The following SESN1 variants were observed in gnomAD, a reference collection of about 807,000 sequenced individuals.
The protein encoded by SESN1 is sestrin 1.
SESN1 carries 30 observed loss-of-function variants against 59.3 expected under a neutral mutation model. The observed-to-expected ratio is 0.51, with a 90% CI of 0.38 to 0.69. The LOEUF is 0.69. Ranked by LOEUF, SESN1 falls within the 30% of genes least tolerant of loss-of-function variation. The pLI, the probability that SESN1 is intolerant of heterozygous loss-of-function variation, is 0.00. For synonymous variants in SESN1, 197 were observed against 219.9 expected (o/e 0.90, Z 0.92); for missense variants, 566 against 673.0 (o/e 0.84, Z 1.76).
At chr6:109,022,886 A>G (rs1408107568) in intron 1 of SESN1, among the ~76,000 whole-genome samples, 2 of 152,206 alleles carry the variant, frequency 1.3e-5, no homozygotes, top group Non-Finnish European at 2.9e-5. Flanking sequence ...CTACTATACC[A>G]TAATGCTGCC....
At position 108,987,358 on chromosome 6, in the gene SESN1, C is replaced by T. The variant is rs1228420243; in HGVS notation, c.*186G>A. On this transcript the variant is annotated 3_prime_UTR_variant, in exon 10 of 10. Coordinates refer to ENST00000436639, the MANE Select transcript of SESN1 (RefSeq NM_014454.3). The stretch of plus-strand genomic sequence containing the variant: ...TGTCTTCACAGCTCTAAACTTGAAG[C>T]TGCCAAACAGTCACTGCTTGTGCCA... 4.1e-6 allele frequency: 2 copies of T among 486,268 alleles called. No individual in the cohort carries two copies. Among genetic ancestry groups the T allele is most frequent in the Non-Finnish European group, 3.6e-6 (1 of 274,254 alleles). 30.1% of individuals were successfully genotyped at this position (486,268 alleles called of 1,614,324 possible).
intron 5 of SESN1, among the ~76,000 whole-genome samples, chr6:108,995,930 T>C (rs1779494778): frequency 2.0e-5 from 3 of 152,246 alleles, no homozygotes; most frequent in Admixed American, 6.5e-5. Context: ...ATCCTTCAGG[T>C]AGCAGCTTAC....
At chr6:109,077,461 T>C (rs1447376071) in intron 1 of SESN1, among the ~76,000 whole-genome samples, 1 of 152,196 alleles carries the variant, frequency 6.6e-6, no homozygotes, top group African/African-American at 2.4e-5. Flanking sequence ...AAATTGGAGA[T>C]TGCAGGGAAA....
At position 109,094,232 on chromosome 6, in the gene SESN1, A is replaced by G. The variant is rs1027824475; in HGVS notation, c.-159T>C. On this transcript the variant is annotated 5_prime_UTR_variant, in exon 1 of 10. Coordinates refer to ENST00000436639, the MANE Select transcript of SESN1 (RefSeq NM_014454.3). ...GACATTTGGAACCACTGGTGCCTTCAGCCGATCTACAAGCTAGGTCACCCT... is the reference window on the plus strand; with the variant it reads ...GACATTTGGAACCACTGGTGCCTTCGGCCGATCTACAAGCTAGGTCACCCT... 8 of 729,498 alleles carry G rather than the reference A, an allele frequency of 1.1e-5. No individual in the cohort carries two copies. Among genetic ancestry groups the G allele is most frequent in the Non-Finnish European group, 1.8e-5 (8 of 452,096 alleles). The allele number at this position is 729,498 out of a possible 1,614,324, so 45.2% of individuals were successfully genotyped here.
In SESN1 at chr6:109,007,196, T is replaced by C. The variant is rs79556276; in HGVS notation, c.280-4853A>G. Among the ~76,000 whole-genome samples the C allele has an allele frequency of 4.3e-4, 66 of 152,332 alleles. 1 individual carries two copies. In the East Asian group the frequency reaches 0.012, roughly 28 times the overall value. On this transcript the variant is annotated intron_variant, in intron 1 of 9. Coordinates refer to ENST00000436639, the MANE Select transcript of SESN1 (RefSeq NM_014454.3). The stretch of plus-strand genomic sequence containing the variant: ...TAATTTTCAGAGTGAAAATTCGTAG[T>C]GAATGTTGACAGTAGTACCACAGAA...
chr6:109,051,881 G>T (rs1410126669), intron 1 of SESN1, among the ~76,000 whole-genome samples: 3 of 152,136 alleles, frequency 2.0e-5, no homozygotes, highest in African/African-American at 7.2e-5. Context: ...CCTGTGTGAA[G>T]CCTCTTTTAT....
intron 1 of SESN1, among the ~76,000 whole-genome samples, chr6:109,074,460 C>G (rs1264773079): frequency 6.6e-6 from 1 of 152,122 alleles, no homozygotes; most frequent in African/African-American, 2.4e-5. Context: ...GCTCTCATCT[C>G]AACATTGTAT....
intron 8 of SESN1, among the ~76,000 whole-genome samples, chr6:108,989,534 GAT>G (rs1491433709): frequency 1.5e-4 from 15 of 103,290 alleles, no homozygotes; most frequent in Non-Finnish European, 2.4e-4. Flanking sequence ...TATCTATAGA[GAT>G]AGAGATATCT....
intron 1 of SESN1, among the ~76,000 whole-genome samples, chr6:109,054,472 A>G (rs1028988988): frequency 1.3e-5 from 2 of 152,170 alleles, no homozygotes; most frequent in Non-Finnish European, 2.9e-5. Flanking sequence ...CCCTAAGTGG[A>G]ATTACTGATA....
chr6:108,990,218 A>G (rs1010865907), intron 8 of SESN1, among the ~76,000 whole-genome samples: 14 of 151,990 alleles, frequency 9.2e-5, no homozygotes, highest in Admixed American at 3.3e-4. Context: ...ATTACGTATT[A>G]TGAGAGCAAG....
Position 108,988,690 on chromosome 6 carries a change from G to A in SESN1, c.1425-3C>T, listed in dbSNP as rs1779271112. 6.3e-7 allele frequency: 1 copy of A among 1,593,676 alleles called. No individual in the cohort carries two copies. Among genetic ancestry groups the A allele is most frequent in the Non-Finnish European group, 8.5e-7 (1 of 1,170,408 alleles). On this transcript the variant is annotated splice_polypyrimidine_tract_variant and splice_region_variant and intron_variant, in intron 8 of 9. Coordinates refer to ENST00000436639, the MANE Select transcript of SESN1 (RefSeq NM_014454.3). The stretch of plus-strand genomic sequence containing the variant: ...CACCATAGTCATAATCATCATATCT[G>A]TTGAAAGACATAATGAGAATTATGA...
At chr6:109,061,265 A>T (rs183722844) in intron 1 of SESN1, among the ~76,000 whole-genome samples, 174 of 152,288 alleles carry the variant, frequency 1.1e-3, no homozygotes, top group Non-Finnish European at 1.5e-3. Context: ...TAAATAATAG[A>T]CAGGCATGCG....
At chr6:109,072,403 T>C (rs1339064867) in intron 1 of SESN1, among the ~76,000 whole-genome samples, 1 of 152,150 alleles carries the variant, frequency 6.6e-6, no homozygotes, top group East Asian at 1.9e-4. Context: ...CTCCAGTCCT[T>C]GAGAAACACA....
At position 109,091,569 on chromosome 6, in the gene SESN1, T is replaced by A. The variant is rs562371696; in HGVS notation, c.279+2226A>T. On this transcript the variant is annotated intron_variant, in intron 1 of 9. Transcript: ENST00000436639. The stretch of plus-strand genomic sequence containing the variant: ...AGGCCTTCATACATACCGTTCCCTA[T>A]GTCCGGAATGTCCCCTCACAAATCT... Among the ~76,000 whole-genome samples the A allele has an allele frequency of 9.1e-4, 138 of 152,358 alleles. 1 individual carries two copies. Among genetic ancestry groups the A allele is most frequent in the Non-Finnish European group, 1.1e-3 (73 of 68,022 alleles).
intron 1 of SESN1, among the ~76,000 whole-genome samples, chr6:109,007,517 A>C (rs1779757214): frequency 6.6e-6 from 1 of 152,176 alleles, no homozygotes; most frequent in African/African-American, 2.4e-5. Flanking sequence ...TTATTTTTTA[A>C]ATTCAAAAGC....
rs183065591 is a variant in SESN1 at position 109,045,212 on chromosome 6, A to G, written c.280-42869T>C. On this transcript the variant is annotated intron_variant, in intron 1 of 9. Transcript: ENST00000436639. Reference sequence around the variant, plus strand: ...CCTCTTGTCAAGTTCTGAATATTCTACATCCTAGAAACTGTAAAATCTATC... The same window carrying G: ...CCTCTTGTCAAGTTCTGAATATTCTGCATCCTAGAAACTGTAAAATCTATC... 2.1e-4 allele frequency among the ~76,000 whole-genome samples: 32 copies of G among 152,192 alleles called. 1 individual carries two copies. The highest frequency in any genetic ancestry group is 7.7e-4 in the East Asian group (4 of 5,164).
intron 1 of SESN1, among the ~76,000 whole-genome samples, chr6:109,061,275 G>C (rs917734813): frequency 7.2e-5 from 11 of 151,756 alleles, no homozygotes; most frequent in African/African-American, 2.7e-4. Context: ...ACAGGCATGC[G>C]ATCTAAGAAA....
chr6:109,081,234 C>T (rs1213260983), intron 1 of SESN1, among the ~76,000 whole-genome samples: 2 of 152,086 alleles, frequency 1.3e-5, no homozygotes, highest in African/African-American at 4.8e-5. Context: ...GCATGCATCA[C>T]CATGCCCAGC....
chr6:109,060,288 A>G (rs1352783075), intron 1 of SESN1, among the ~76,000 whole-genome samples: 1 of 152,224 alleles, frequency 6.6e-6, no homozygotes, highest in Non-Finnish European at 1.5e-5. Flanking sequence ...ATTTTAAGAA[A>G]TGTAATAGCT....
Sources: gnomAD v4.1 joint callset for allele counts (sites outside exome capture counted in the v4.1 genomes callset) on GRCh38, gnomAD v4.1.1 for gene constraint, MANE v1.5 for transcripts, NCBI Gene and HGNC (gene_info 2026-07-23, HGNC 2026-07-21) for gene names.